Variants in BTBD8 observed in about 807,000 individuals in gnomAD.
BTBD8 encodes the protein BTB domain containing 8.
In BTBD8, 110 loss-of-function variants were observed where a neutral mutation model predicts 162.9. The ratio of observed to expected loss-of-function variants is 0.68; its 90% CI spans 0.58 to 0.79. The LOEUF (loss-of-function observed/expected upper bound fraction) is 0.79. Ranked by LOEUF, BTBD8 falls within the 30% of genes least tolerant of loss-of-function variation. The pLI is 0.00. For synonymous variants in BTBD8, 667 were observed against 716.1 expected (o/e 0.93, Z 1.10); for missense variants, 1,905 against 2,085.4 (o/e 0.91, Z 1.68).
rs1172398365 is a variant in BTBD8 at position 92,177,350 on chromosome 1, C to T, written c.2157C>T (p.Cys719=). ...AAGCTACAGGGAAGGATTCACCATG[C>T]CTCAGCATCGCAGGACCCTCCAGCA... The part of the protein sequence containing the change: ...LKKATGKDSP[C]LSIAGPSSRS... The change falls in exon 14 of 18, where the codon TGC becomes TGT. Residue 719 remains cysteine (C), a synonymous_variant. Coordinates refer to ENST00000636805, the MANE Select transcript of BTBD8 (RefSeq NM_001376131.1). The T allele has an allele frequency of 1.3e-6, 2 of 1,551,800 alleles. No individual in the cohort carries two copies. Among genetic ancestry groups the T allele is most frequent in the Non-Finnish European group, 1.7e-6 (2 of 1,147,030 alleles).
chr1:92,178,472 G>C, intron 16 of BTBD8, 21 bp downstream of exon 16: 1 of 1,527,222 alleles, frequency 6.5e-7, no homozygotes, highest in Non-Finnish European at 8.8e-7. Context: ...AATAGTACTG[G>C]ATATCTTGAA....
chr1:92,096,607 A>G (rs537948260), intron 2 of BTBD8, among the ~76,000 whole-genome samples: 1 of 145,458 alleles, frequency 6.9e-6, no homozygotes, highest in African/African-American at 2.6e-5. Flanking sequence ...CTGGAGTGTG[A>G]TGGTGCAATC....
chr1:92,090,928 T>G (rs1648278287), intron 2 of BTBD8, among the ~76,000 whole-genome samples: 1 of 151,930 alleles, frequency 6.6e-6, no homozygotes, highest in African/African-American at 2.4e-5. Context: ...CAAGACTCCA[T>G]CTCAAAAAAA....
intron 5 of BTBD8, among the ~76,000 whole-genome samples, chr1:92,134,173 G>A (rs879700759): frequency 1.5e-4 from 23 of 152,264 alleles, no homozygotes; most frequent in South Asian, 6.2e-4. Context: ...AAGTCTTCCA[G>A]TGGTGCCTGG....
At chr1:92,161,964 C>CT (rs1164043216) in intron 9 of BTBD8, among the ~76,000 whole-genome samples, 1 of 152,094 alleles carries the variant, frequency 6.6e-6, no homozygotes, top group African/African-American at 2.4e-5. Context: ...TTTCTTCTTC[C>CT]TTTTTTTGTC....
intron 6 of BTBD8, among the ~76,000 whole-genome samples, chr1:92,140,269 A>C (rs1570741060): frequency 2.0e-5 from 3 of 150,872 alleles, no homozygotes; most frequent in African/African-American, 7.3e-5. Flanking sequence ...GGAAAAAAAA[A>C]CCAAAAAGAA....
rs960535700 is a variant in BTBD8 at position 92,167,963 on chromosome 1, A to C, written c.1421A>C (p.Asn474Thr). ...SLLMALDTLL[N>T]SDSTKEMGFT... is the part of the protein sequence containing the mutation. ...CTTATGGCTCTGGACACACTGCTGA[A>C]CTCTGACAGTACAAAGGAAATGGTA... The change falls in exon 11 of 18, where the codon AAC becomes ACC. Residue 474 changes from asparagine (N) to threonine (T), a missense_variant. Physicochemically the swap from Asn to Thr is moderately conservative, Grantham distance 65. Transcript: ENST00000636805. The C allele has an allele frequency of 6.5e-7, 1 of 1,548,212 alleles. No individual in the cohort carries two copies. The highest frequency in any genetic ancestry group is 8.7e-7 in the Non-Finnish European group (1 of 1,144,886).
chr1:92,180,856 A>G lies in BTBD8; in HGVS notation c.3173A>G (p.Asn1058Ser). ...GATAAAAGTGAAACAAAATTTCCCA[A>G]TCACAAAGAAACAGATGATTGCGAT... ...CLDKSETKFP[N>S]HKETDDCDAA... Residue 1058 changes from asparagine to serine, a missense_variant, in exon 17 of 18, where the codon AAT becomes AGT. Transcript: ENST00000636805. The G allele has an allele frequency of 1.3e-6, 2 of 1,551,530 alleles. No individual in the cohort carries two copies. The highest frequency in any genetic ancestry group is 1.2e-5 in the South Asian group (1 of 84,020).
intron 1 of BTBD8, among the ~76,000 whole-genome samples, chr1:92,083,114 C>T (rs1018778386): frequency 6.8e-6 from 1 of 146,882 alleles, no homozygotes; most frequent in Non-Finnish European, 1.5e-5. Flanking sequence ...CCAGTCTGGG[C>T]GTCAGAACAA....
intron 4 of BTBD8, among the ~76,000 whole-genome samples, chr1:92,111,548 C>T (rs488849): frequency 0.71 from 107,663 of 152,054 alleles, 38,811 homozygotes; most frequent in East Asian, 0.97. Context: ...GGTCTTTTTG[C>T]GTTTAGATTA....
intron 9 of BTBD8, among the ~76,000 whole-genome samples, chr1:92,149,573 G>C (rs1181809097): frequency 6.6e-6 from 1 of 152,196 alleles, no homozygotes; most frequent in Non-Finnish European, 1.5e-5. Flanking sequence ...TTTCCTTCTT[G>C]TATGTTTCTA....
chr1:92,104,257 G>C (rs578060129), intron 3 of BTBD8, among the ~76,000 whole-genome samples: 2 of 152,294 alleles, frequency 1.3e-5, no homozygotes, highest in South Asian at 4.1e-4. Context: ...GGTGTGTAAA[G>C]CAACAACAGT....
chr1:92,134,809 A>G (rs2101934639), intron 5 of BTBD8, among the ~76,000 whole-genome samples: 1 of 152,192 alleles, frequency 6.6e-6, no homozygotes, highest in East Asian at 1.9e-4. Context: ...CTTAGCCCAC[A>G]CACAGGGCTC....
At chr1:92,158,919 G>A (rs1304305996) in intron 9 of BTBD8, among the ~76,000 whole-genome samples, 2 of 152,028 alleles carry the variant, frequency 1.3e-5, no homozygotes, top group Non-Finnish European at 2.9e-5. Flanking sequence ...ATCACACGTG[G>A]CTAACTTTTG....
rs748859623 is a variant in BTBD8 at position 92,080,716 on chromosome 1, C to T, written c.145C>T (p.Leu49Phe). The stretch of plus-strand genomic sequence containing the variant: ...GTCGGAGCAGCTCAGCCAGGATTTG[C>T]TCAGGTAGGAGGAGGCGGGAACTCT... ...TVSEQLSQDL[L>F]RLLREEFHTD... The change falls in exon 1 of 18, where the codon CTC (leucine) becomes TTC (phenylalanine). Residue 49 changes from leucine (L) to phenylalanine (F), a missense_variant. By Grantham distance (22) the Leu-to-Phe change is conservative. Transcript: ENST00000636805. 6.2e-7 allele frequency: 1 copy of T among 1,609,904 alleles called. No individual in the cohort carries two copies. The highest frequency in any genetic ancestry group is 1.1e-5 in the South Asian group (1 of 90,264).
At chr1:92,090,292 C>T (rs535837119) in intron 2 of BTBD8, among the ~76,000 whole-genome samples, 8 of 152,270 alleles carry the variant, frequency 5.3e-5, no homozygotes, top group Admixed American at 3.3e-4. Flanking sequence ...TCCACATCCT[C>T]GGCACATTTG....
intron 9 of BTBD8, among the ~76,000 whole-genome samples, chr1:92,148,479 G>A (rs1649976667): frequency 6.6e-6 from 1 of 152,190 alleles, no homozygotes; most frequent in Admixed American, 6.5e-5. Flanking sequence ...GGCCTTTGAA[G>A]ACTCAGTTAC....
At chr1:92,108,142 C>T (rs1648786690) in intron 4 of BTBD8, 141 bp downstream of exon 4, 1 of 793,648 alleles carries the variant, frequency 1.3e-6, no homozygotes, top group Admixed American at 2.3e-5. Context: ...AGGGGTTCCA[C>T]TGTGATTCCT....
At chr1:92,111,654 A>G (rs1570724378) in intron 4 of BTBD8, among the ~76,000 whole-genome samples, 1 of 152,194 alleles carries the variant, frequency 6.6e-6, no homozygotes, top group Non-Finnish European at 1.5e-5. Flanking sequence ...TGTAAAAGGA[A>G]TAGTAGTAGA....
Sources: allele counts gnomAD v4.1 joint callset (sites outside exome capture counted in the v4.1 genomes callset), GRCh38; gene constraint gnomAD v4.1.1; transcripts MANE v1.5; gene names NCBI Gene and HGNC (gene_info 2026-07-23, HGNC 2026-07-21).